The following CNBD1 variants were observed in gnomAD, a reference collection of about 807,000 sequenced individuals.
The protein encoded by CNBD1 is cyclic nucleotide-binding domain-containing protein 1.
Under a neutral mutation model 54.4 loss-of-function variants are expected in CNBD1, and 71 were observed. The observed-to-expected ratio is 1.30, with a 90% CI of 1.08 to 1.59. CNBD1 has a LOEUF of 1.59. CNBD1 is among the 40% of genes most tolerant of loss of function. The pLI, the probability that CNBD1 is intolerant of heterozygous loss-of-function variation, is 0.00. For synonymous variants in CNBD1, 182 were observed against 170.7 expected (o/e 1.07, Z -0.51); for missense variants, 659 against 518.0 (o/e 1.27, Z -2.64).
At chr8:87,255,074 G>A (rs1807983896) in intron 6 of CNBD1, among the ~76,000 whole-genome samples, 1 of 152,066 alleles carries the variant, frequency 6.6e-6, no homozygotes, top group Non-Finnish European at 1.5e-5. Context: ...ACATAATGAT[G>A]TAATGATATT....
intron 4 of CNBD1, among the ~76,000 whole-genome samples, chr8:87,022,196 G>T (rs1809503954): frequency 6.6e-6 from 1 of 152,190 alleles, no homozygotes; most frequent in Non-Finnish European, 1.5e-5. Flanking sequence ...GAAGCAACGG[G>T]CAACACAGCG....
chr8:87,303,706 A>G (rs1809073985), intron 8 of CNBD1, among the ~76,000 whole-genome samples: 1 of 149,560 alleles, frequency 6.7e-6, no homozygotes, highest in South Asian at 2.1e-4. Flanking sequence ...GGCAACCTAC[A>G]GAATGGGAGA....
At chr8:86,874,363 C>A (rs1408107158) in intron 1 of CNBD1, among the ~76,000 whole-genome samples, 1 of 152,132 alleles carries the variant, frequency 6.6e-6, no homozygotes, top group East Asian at 1.9e-4. Context: ...AGGTAGACAT[C>A]TTTGTCAGCA....
Position 87,388,516 on chromosome 8 carries a change from T to A in CNBD1, c.213+34730T>A, listed in dbSNP as rs1811238681. 3.9e-5 allele frequency among the ~76,000 whole-genome samples: 6 copies of A among 152,064 alleles called. No individual in the cohort carries two copies. In the South Asian group the frequency reaches 1.2e-3, roughly 32 times the overall value. On this transcript the variant is annotated intron_variant, in intron 2 of 7. Coordinates refer to the CNBD1 transcript ENST00000521593. ...GAAAATCTAGAAGAAATGGATAAAT[T>A]CCTCGACACATACACACTCCCAAGA...
intron 2 of CNBD1, among the ~76,000 whole-genome samples, chr8:87,403,455 C>A (rs1022395099): frequency 7.9e-5 from 12 of 152,118 alleles, no homozygotes; most frequent in African/African-American, 2.6e-4. Flanking sequence ...GTTTCAATTT[C>A]CGCGTGCTAC....
At chr8:87,150,281 T>A (rs1258452058) in intron 4 of CNBD1, among the ~76,000 whole-genome samples, 1 of 152,132 alleles carries the variant, frequency 6.6e-6, no homozygotes, top group Non-Finnish European at 1.5e-5. Context: ...TCATTAGGAA[T>A]AGAGAAACAT....
At chr8:86,935,739 C>T (rs940601623) in intron 3 of CNBD1, among the ~76,000 whole-genome samples, 1 of 151,910 alleles carries the variant, frequency 6.6e-6, no homozygotes, top group African/African-American at 2.4e-5. Flanking sequence ...AATTTTTATC[C>T]TTTATTATAT....
At chr8:87,283,368 T>G (rs2337004) in intron 6 of CNBD1, among the ~76,000 whole-genome samples, 42,719 of 151,846 alleles carry the variant, frequency 0.28, 6,463 homozygotes, top group African/African-American at 0.39. Context: ...CTTTATAGGG[T>G]TTTATTCATT....
chr8:87,092,550 TATATATACAC>T (rs1811238408), intron 4 of CNBD1, among the ~76,000 whole-genome samples: 1 of 75,390 alleles, frequency 1.3e-5, no homozygotes, highest in African/African-American at 5.6e-5. Flanking sequence ...TGTGTATATA[TATATATACAC>T]ATATGTGTGT....
At chr8:87,122,376 C>G (rs1811907682) in intron 4 of CNBD1, among the ~76,000 whole-genome samples, 1 of 151,816 alleles carries the variant, frequency 6.6e-6, no homozygotes, top group Admixed American at 6.6e-5. Flanking sequence ...TGCTCAGGAA[C>G]TTTGCCCATT....
In CNBD1 at chr8:87,297,292, T is replaced by C. The variant is rs541974881; in HGVS notation, c.1042+10621T>C. 2.0e-5 allele frequency among the ~76,000 whole-genome samples: 3 copies of C among 151,828 alleles called. No individual in the cohort carries two copies. In the East Asian group the frequency reaches 5.8e-4, roughly 29 times the overall value. ...GACACTTTATACCTTTTTCATATTT[T>C]GTTTTCATATTAAGTCTTCAAAATC... On this transcript the variant is annotated intron_variant, in intron 8 of 10. Transcript: ENST00000518476.
intron 5 of CNBD1, among the ~76,000 whole-genome samples, chr8:87,223,541 G>T (rs1039699620): frequency 2.6e-5 from 4 of 152,004 alleles, no homozygotes; most frequent in African/African-American, 9.7e-5. Flanking sequence ...GGTTTCCAAT[G>T]TCATCCATGT....
At chr8:87,223,868 A>C (rs1343044392) in intron 5 of CNBD1, among the ~76,000 whole-genome samples, 1 of 152,094 alleles carries the variant, frequency 6.6e-6, no homozygotes, top group Non-Finnish European at 1.5e-5. Flanking sequence ...ACAGTGTAAA[A>C]GTGTTCCTAT....
At chr8:87,256,133 C>T (rs1352115817) in intron 6 of CNBD1, among the ~76,000 whole-genome samples, 1 of 147,030 alleles carries the variant, frequency 6.8e-6, no homozygotes, top group Non-Finnish European at 1.5e-5. Context: ...AGCGATTCTC[C>T]TGCCTCAGCC....
In CNBD1 at chr8:87,324,815, G is replaced by A. The variant is rs143903997; in HGVS notation, c.1043-26870G>A. Among the ~76,000 whole-genome samples, 23 of 97,008 alleles carry A rather than the reference G, an allele frequency of 2.4e-4. 3 individuals carry two copies. The highest frequency in any genetic ancestry group is 6.8e-4 in the African/African-American group (17 of 25,080). 63.6% of individuals were successfully genotyped at this position (97,008 alleles called of 152,430 possible). ...GTCTCTATTTCCTTCAGTTCTGCTCGGATTTTAGTTATTTCTTGCCTTCTG... is the reference window on the plus strand; with the variant it reads ...GTCTCTATTTCCTTCAGTTCTGCTCAGATTTTAGTTATTTCTTGCCTTCTG... On this transcript the variant is annotated intron_variant, in intron 8 of 10. Coordinates refer to ENST00000518476, the MANE Select transcript of CNBD1 (RefSeq NM_173538.3).
intron 8 of CNBD1, among the ~76,000 whole-genome samples, chr8:87,333,549 A>G (rs1809879703): frequency 6.6e-6 from 1 of 152,148 alleles, no homozygotes; most frequent in Admixed American, 6.6e-5. Context: ...GATATGTTCC[A>G]TCAATACCTA....
At chr8:87,388,805 C>G (rs1464580178) in intron 2 of CNBD1, among the ~76,000 whole-genome samples, 1 of 151,992 alleles carries the variant, frequency 6.6e-6, no homozygotes, top group Non-Finnish European at 1.5e-5. Context: ...CAAAAAAAGA[C>G]AATTTTAGAC....
intron 4 of CNBD1, among the ~76,000 whole-genome samples, chr8:87,097,895 T>G (rs575739202): frequency 3.3e-5 from 5 of 152,338 alleles, no homozygotes; most frequent in African/African-American, 1.2e-4. Flanking sequence ...CTGACTGTTG[T>G]GACATACAAT....
chr8:87,028,084 T>A (rs969787389), intron 4 of CNBD1, among the ~76,000 whole-genome samples: 1 of 152,100 alleles, frequency 6.6e-6, no homozygotes, highest in Non-Finnish European at 1.5e-5. Flanking sequence ...TGTCCCCAAG[T>A]GTATCCATAC....
Sources: allele counts gnomAD v4.1 joint callset (sites outside exome capture counted in the v4.1 genomes callset), GRCh38; gene constraint gnomAD v4.1.1; transcripts MANE v1.5; gene names NCBI Gene and HGNC (gene_info 2026-07-23, HGNC 2026-07-21).